Variants in PSG2 observed in about 807,000 individuals in gnomAD.
The protein encoded by PSG2 is pregnancy specific beta-1-glycoprotein 2, also known as pregnancy-specific beta-1-glycoprotein 2.
In PSG2, 49 loss-of-function variants were observed where a neutral mutation model predicts 36.2. That is an observed-to-expected ratio of 1.35 (90% CI 1.08 to 1.72). The LOEUF (loss-of-function observed/expected upper bound fraction) is 1.72. Ranked by LOEUF, PSG2 falls within the 40% of genes most tolerant of loss-of-function variation. The pLI, the probability that PSG2 is intolerant of heterozygous loss-of-function variation, is 0.00. For missense variants in PSG2, 605 were observed against 407.2 expected (o/e 1.49, Z -4.18); for synonymous variants, 261 against 155.6 (o/e 1.68, Z -5.04).
At chr19:43,079,036 C>G (rs1967935062) in intron 2 of PSG2, among the ~76,000 whole-genome samples, 1 of 151,588 alleles carries the variant, frequency 6.6e-6, no homozygotes, top group Non-Finnish European at 1.5e-5. Flanking sequence ...GGGAGGTTGG[C>G]TAGGCCACAG....
At chr19:43,066,901 T>G (rs951272997) in intron 4 of PSG2, among the ~76,000 whole-genome samples, 1 of 151,440 alleles carries the variant, frequency 6.6e-6, no homozygotes, top group African/African-American at 2.4e-5. Context: ...TGCCACATTT[T>G]CACCTTTTCA....
At chr19:43,066,476 C>T (rs1405847154) in intron 5 of PSG2, 41 bp downstream of exon 5, 5 of 1,395,626 alleles carry the variant, frequency 3.6e-6, no homozygotes, top group South Asian at 3.5e-5. Context: ...GCATGGCAGT[C>T]AGCTCTGCAG....
intron 4 of PSG2, among the ~76,000 whole-genome samples, chr19:43,067,252 C>T (rs1231914030): frequency 6.6e-6 from 1 of 151,256 alleles, no homozygotes; most frequent in East Asian, 1.9e-4. Flanking sequence ...TCCCATACTA[C>T]CTTCATGCCT....
rs1568512522 is a variant in PSG2 at position 43,071,746 on chromosome 19, TGA to T, written c.916_917del (p.Ala307HisfsTer26). The T allele has an allele frequency of 1.9e-6, 3 of 1,612,978 alleles. No homozygotes were observed. Among genetic ancestry groups the T allele is most frequent in the Non-Finnish European group, 8.5e-7 (1 of 1,179,472 alleles). On this transcript the variant is annotated frameshift_variant, in exon 4 of 6. Coordinates refer to ENST00000406487, the MANE Select transcript of PSG2 (RefSeq NM_031246.4). LOFTEE classifies it high-confidence loss of function. ...ATGTGGAGCTTTCCTCGCCAGTGGC[TGA>T]GTTACGAACAGAGCAAACATAGAGC... ...SGLYVCSVRN[S>X]ATGEESSTSL...
At chr19:43,078,131 G>T (rs1162858459) in intron 2 of PSG2, among the ~76,000 whole-genome samples, 2 of 151,908 alleles carry the variant, frequency 1.3e-5, no homozygotes, top group South Asian at 4.1e-4. Context: ...ACTCCATCTG[G>T]CATCTAGTCT....
intron 3 of PSG2, among the ~76,000 whole-genome samples, chr19:43,073,529 A>G (rs1198839148): frequency 6.6e-6 from 1 of 151,734 alleles, no homozygotes; most frequent in Non-Finnish European, 1.5e-5. Context: ...GATGGATATG[A>G]GACAAATTTG....
intron 5 of PSG2, among the ~76,000 whole-genome samples, chr19:43,066,267 T>C (rs12150870): frequency 0.089 from 13,444 of 151,562 alleles, 783 homozygotes; most frequent in South Asian, 0.15. Flanking sequence ...CCATGTGAAA[T>C]TGTGTTTCTC....
rs888478973 is a variant in PSG2 at position 43,068,740 on chromosome 19, G to A, written c.965-2140C>T. ...CCACTTCAACATAAAGGCAATATGT[G>A]AAAAACCCAATGGTAACATCATACT... On this transcript the variant is annotated intron_variant, in intron 4 of 5. Coordinates refer to ENST00000406487, the MANE Select transcript of PSG2 (RefSeq NM_031246.4). 3.3e-5 allele frequency among the ~76,000 whole-genome samples: 5 copies of A among 151,692 alleles called. 1 individual carries two copies. The highest frequency in any genetic ancestry group is 1.2e-4 in the African/African-American group (5 of 41,096).
chr19:43,066,501 G>C lies in PSG2; in HGVS notation c.*40+16C>G. The C allele has an allele frequency of 6.6e-7, 1 of 1,510,188 alleles. No individual in the cohort carries two copies. Among genetic ancestry groups the C allele is most frequent in the Middle Eastern group, 1.7e-4 (1 of 5,868 alleles). The allele number at this position is 1,510,188 out of a possible 1,614,324, so 93.5% of individuals were successfully genotyped here. A position where few individuals can be genotyped will look rare whatever the true frequency, so the allele number is the denominator to read the frequency against. On this transcript the variant is annotated intron_variant, in intron 5 of 5. Coordinates refer to ENST00000406487, the MANE Select transcript of PSG2 (RefSeq NM_031246.4). Reference sequence around the variant, plus strand: ...CAGCTCTGCAGGAACCAGGATAAGAGAAAAGGCCATCATACCTGCCAGTCT... The same window carrying C: ...CAGCTCTGCAGGAACCAGGATAAGACAAAAGGCCATCATACCTGCCAGTCT...
intron 2 of PSG2, 60 bp downstream of exon 2, chr19:43,080,821 T>G: frequency 6.8e-6 from 11 of 1,611,910 alleles, no homozygotes; most frequent in Non-Finnish European, 9.3e-6. Flanking sequence ...CAATCCTGTG[T>G]GTGTGAAGTA....
At chr19:43,065,358 G>A (rs977123697) in intron 5 of PSG2, 2 of 151,462 alleles carry the variant, frequency 1.3e-5, no homozygotes, top group African/African-American at 4.9e-5. Context: ...AGGTCCTTAG[G>A]TAATTCCAGT....
rs543820129 is a variant in PSG2 at position 43,082,466 on chromosome 19, C to T, written c.64+40G>A. On this transcript the variant is annotated intron_variant, in intron 1 of 5. Transcript: ENST00000406487. Reference sequence around the variant, plus strand: ...CAGGAGACCCCATCCAGTCACTCTTCTTCCTCCTCCTGTCCTCTCCCAGGA... The same window carrying T: ...CAGGAGACCCCATCCAGTCACTCTTTTTCCTCCTCCTGTCCTCTCCCAGGA... 1.2e-5 allele frequency: 20 copies of T among 1,601,094 alleles called. No homozygotes were observed. The African/African-American group carries it at 2.3e-4, about 18-fold the overall frequency.
At chr19:43,071,519 C>G (rs976598490) in intron 4 of PSG2, among the ~76,000 whole-genome samples, 181 bp downstream of exon 4, 2 of 151,440 alleles carry the variant, frequency 1.3e-5, no homozygotes, top group African/African-American at 4.9e-5. Flanking sequence ...CATGAGAAAA[C>G]AGAAAAACAA....
chr19:43,076,471 G>A (rs557790487), intron 2 of PSG2, among the ~76,000 whole-genome samples: 19 of 151,924 alleles, frequency 1.3e-4, no homozygotes, highest in African/African-American at 3.6e-4. Flanking sequence ...TGGAAAGGGT[G>A]AACATGAACT....
chr19:43,079,930 G>A (rs1599711094), intron 2 of PSG2, among the ~76,000 whole-genome samples: 1 of 151,652 alleles, frequency 6.6e-6, no homozygotes, highest in South Asian at 2.1e-4. Flanking sequence ...TGTGACTCTG[G>A]TTCAGTGACT....
chr19:43,070,699 A>G (rs1375461848), intron 4 of PSG2, among the ~76,000 whole-genome samples: 2 of 151,700 alleles, frequency 1.3e-5, no homozygotes, highest in Non-Finnish European at 2.9e-5. Context: ...TCGAGGGAGA[A>G]GGAGTGAGAG....
chr19:43,073,947 A>G (rs541285040), intron 3 of PSG2, among the ~76,000 whole-genome samples: 2 of 151,868 alleles, frequency 1.3e-5, no homozygotes, highest in African/African-American at 2.4e-5. Context: ...TCAGATTAGT[A>G]GGCAAAAGTG....
chr19:43,081,464 C>G (rs373222239), intron 1 of PSG2, among the ~76,000 whole-genome samples: 3 of 151,000 alleles, frequency 2.0e-5, no homozygotes, highest in African/African-American at 4.9e-5. Flanking sequence ...AGGTCAAGGT[C>G]AGCAGCATGA....
chr19:43,066,588 A>G lies in PSG2; in HGVS notation c.977T>C (p.Ile326Thr). 1 of 1,600,664 alleles carries G rather than the reference A, an allele frequency of 6.2e-7. No homozygotes were observed. The highest frequency in any genetic ancestry group is 8.6e-7 in the Non-Finnish European group (1 of 1,168,454). The change falls in exon 5 of 6, where the codon ATA (isoleucine) becomes ACA (threonine). Residue 326 changes from isoleucine (I) to threonine (T), a missense_variant. Ile to Thr is a moderately conservative substitution (Grantham distance 89). Coordinates refer to ENST00000406487, the MANE Select transcript of PSG2 (RefSeq NM_031246.4). ...TGGATTAAGGAGAGGAAGAAGTCCTATTCTTGTAGAAGCTGTCATGGAAAG... is the reference window on the plus strand; with the variant it reads ...TGGATTAAGGAGAGGAAGAAGTCCTGTTCTTGTAGAAGCTGTCATGGAAAG... ...LTVKVSASTR[I>T]GLLPLLNPT
Sources: gnomAD v4.1 joint callset for allele counts (sites outside exome capture counted in the v4.1 genomes callset) on GRCh38, gnomAD v4.1.1 for gene constraint, MANE v1.5 for transcripts, NCBI Gene and HGNC (gene_info 2026-07-23, HGNC 2026-07-21) for gene names.